The following PRKCE variants were observed in gnomAD, a reference collection of about 807,000 sequenced individuals.
PRKCE encodes protein kinase C epsilon type.
Under a neutral mutation model 85.4 loss-of-function variants are expected in PRKCE, and 16 were observed. That is an observed-to-expected ratio of 0.19 (90% CI 0.13 to 0.28). The LOEUF is 0.28. Ranked by LOEUF, PRKCE falls within the 10% of genes least tolerant of loss-of-function variation. PRKCE has a pLI of 1.00. For synonymous variants in PRKCE, 388 were observed against 371.5 expected (o/e 1.04, Z -0.51); for missense variants, 573 against 975.2 (o/e 0.59, Z 5.49).
At chr2:45,678,265 C>T (rs897944493) in intron 1 of PRKCE, among the ~76,000 whole-genome samples, 1 of 152,088 alleles carries the variant, frequency 6.6e-6, no homozygotes, top group South Asian at 2.1e-4. Context: ...GTAAACTATT[C>T]TTACAATGTC....
intron 2 of PRKCE, among the ~76,000 whole-genome samples, chr2:45,902,099 C>G (rs1012907349): frequency 1.3e-5 from 2 of 152,206 alleles, no homozygotes; most frequent in Non-Finnish European, 1.5e-5. Flanking sequence ...CTCCAACCCT[C>G]TCAGGTCTTT....
chr2:45,986,729 T>C (rs1703355829), intron 6 of PRKCE, among the ~76,000 whole-genome samples: 2 of 152,242 alleles, frequency 1.3e-5, no homozygotes, highest in South Asian at 2.1e-4. Flanking sequence ...ATCCAGCCAC[T>C]GGACATGAGG....
intron 1 of PRKCE, among the ~76,000 whole-genome samples, chr2:45,807,265 C>T (rs1688316351): frequency 6.6e-6 from 1 of 152,188 alleles, no homozygotes; most frequent in South Asian, 2.1e-4. Flanking sequence ...TAGCACATGG[C>T]GGATGCTCAC....
At chr2:46,021,642 T>C (rs1706672112) in intron 10 of PRKCE, among the ~76,000 whole-genome samples, 1 of 152,170 alleles carries the variant, frequency 6.6e-6, no homozygotes, top group Admixed American at 6.5e-5. Context: ...ATTTCTAAGG[T>C]GTCATTTGGT....
chr2:45,741,432 G>A (rs560383371), intron 1 of PRKCE, among the ~76,000 whole-genome samples: 4 of 150,724 alleles, frequency 2.7e-5, no homozygotes, highest in South Asian at 4.2e-4. Context: ...GCCGACTGGG[G>A]ACAAATATCA....
intron 14 of PRKCE, chr2:46,167,969 C>T (rs963561667): frequency 6.6e-6 from 1 of 152,166 alleles, no homozygotes; most frequent in Non-Finnish European, 1.5e-5. Flanking sequence ...GCATCTTTGA[C>T]TCTGGACAAG....
intron 1 of PRKCE, among the ~76,000 whole-genome samples, chr2:45,820,100 C>T (rs186058949): frequency 3.3e-5 from 5 of 152,112 alleles, no homozygotes; most frequent in Admixed American, 6.5e-5. Flanking sequence ...ACTGAAGGGG[C>T]GAATCCTCAA....
intron 1 of PRKCE, among the ~76,000 whole-genome samples, chr2:45,838,925 A>G (rs755998574): frequency 6.6e-6 from 1 of 152,148 alleles, no homozygotes; most frequent in African/African-American, 2.4e-5. Flanking sequence ...CTTTTTCATG[A>G]TAACTGCACC....
intron 1 of PRKCE, among the ~76,000 whole-genome samples, chr2:45,682,676 T>A (rs1179534125): frequency 6.6e-6 from 1 of 152,170 alleles, no homozygotes; most frequent in Non-Finnish European, 1.5e-5. Flanking sequence ...AACCTCCACC[T>A]CCTGGATTCA....
intron 11 of PRKCE, among the ~76,000 whole-genome samples, chr2:46,102,913 T>G (rs1322841705): frequency 6.6e-6 from 1 of 152,154 alleles, no homozygotes; most frequent in Non-Finnish European, 1.5e-5. Flanking sequence ...CACTGTAAAG[T>G]TTCTCTCCTT....
intron 10 of PRKCE, among the ~76,000 whole-genome samples, chr2:46,066,029 C>G (rs1415309543): frequency 6.6e-6 from 1 of 152,154 alleles, no homozygotes; most frequent in Non-Finnish European, 1.5e-5. Context: ...GACTATTTAA[C>G]AGACGTTCCA....
chr2:46,098,986 C>G (rs775201861), intron 11 of PRKCE, among the ~76,000 whole-genome samples: 1 of 152,092 alleles, frequency 6.6e-6, no homozygotes, highest in South Asian at 2.1e-4. Context: ...GGAGACTACA[C>G]TTAATTGGCT....
At chr2:46,034,559 C>T (rs7607411) in intron 10 of PRKCE, among the ~76,000 whole-genome samples, 3,136 of 152,296 alleles carry the variant, frequency 0.021, 110 homozygotes, top group African/African-American at 0.071. Context: ...TGCTTCCTTC[C>T]GAAGATCCTC....
At chr2:45,861,633 C>T (rs1212183531) in intron 2 of PRKCE, among the ~76,000 whole-genome samples, 2 of 152,158 alleles carry the variant, frequency 1.3e-5, no homozygotes, top group Non-Finnish European at 2.9e-5. Flanking sequence ...CTCTCTTGCA[C>T]ATTGTAGGTA....
rs150244463 is a variant in PRKCE at position 45,916,040 on chromosome 2, G to A, written c.413-60389G>A. ...TTGGTGGTAGAACTTGGAGAGTTTA[G>A]GATGGCTCTAGGGCTCAAGAGAGAG... On this transcript the variant is annotated intron_variant, in intron 2 of 14. Coordinates refer to ENST00000306156, the MANE Select transcript of PRKCE (RefSeq NM_005400.3). 4.0e-3 allele frequency among the ~76,000 whole-genome samples: 613 copies of A among 152,218 alleles called. 3 individuals carry two copies. The highest frequency in any genetic ancestry group is 0.013 in the African/African-American group (540 of 41,514).
At chr2:45,727,522 G>C (rs188469830) in intron 1 of PRKCE, among the ~76,000 whole-genome samples, 25 of 152,302 alleles carry the variant, frequency 1.6e-4, no homozygotes, top group African/African-American at 6.0e-4. Context: ...ATTTGACCAA[G>C]CTTTTGTACA....
chr2:45,958,214 GA>G (rs1701108486), intron 2 of PRKCE, among the ~76,000 whole-genome samples: 1 of 97,772 alleles, frequency 1.0e-5, no homozygotes, highest in Non-Finnish European at 2.2e-5. Context: ...AAAAAAAAAA[GA>G]AAAAGAAAAT....
rs372159142 is a variant in PRKCE at position 46,146,624 on chromosome 2, C to T, written c.1731+1393C>T. 1.8e-3 allele frequency among the ~76,000 whole-genome samples: 273 copies of T among 152,170 alleles called. 1 individual carries two copies. The highest frequency in any genetic ancestry group is 6.0e-3 in the African/African-American group (248 of 41,504). On this transcript the variant is annotated intron_variant, in intron 12 of 14. Coordinates refer to ENST00000306156, the MANE Select transcript of PRKCE (RefSeq NM_005400.3). The stretch of plus-strand genomic sequence containing the variant: ...ATTCCTGAAAACAACAGGATTGGAA[C>T]GGGGGCAGGACAGGAAAGGAGGTTC...
intron 2 of PRKCE, among the ~76,000 whole-genome samples, chr2:45,952,285 T>G (rs1028592086): frequency 6.6e-6 from 1 of 152,146 alleles, no homozygotes; most frequent in Admixed American, 6.5e-5. Flanking sequence ...GGCCCCAAAG[T>G]TATAATGATA....
Sources: gnomAD v4.1 joint callset for allele counts (sites outside exome capture counted in the v4.1 genomes callset) on GRCh38, gnomAD v4.1.1 for gene constraint, MANE v1.5 for transcripts, NCBI Gene and HGNC (gene_info 2026-07-23, HGNC 2026-07-21) for gene names.